MAF: variants seen among roughly 807,000 people sequenced by gnomAD.
The protein encoded by MAF is transcription factor Maf.
Under a neutral mutation model 22.0 loss-of-function variants are expected in MAF, and 10 were observed. That is an observed-to-expected ratio of 0.45 (90% CI 0.28 to 0.77). MAF has a LOEUF of 0.77. Ranked by LOEUF, MAF falls within the 30% of genes least tolerant of loss-of-function variation. MAF has a pLI of 0.12. For missense variants in MAF, 544 were observed against 548.4 expected, an observed-to-expected ratio of 0.99 and a Z score of 0.08; for synonymous variants, 337 against 255.8, an observed-to-expected ratio of 1.32 and a Z score of -3.03.
chr16:79,465,757 TC>T, the MAF span, among the ~76,000 whole-genome samples: 4 of 152,276 alleles, frequency 2.6e-5, no homozygotes, highest in Admixed American at 2.6e-4. Flanking sequence ...ACCTTCAATA[TC>T]CTCTCCAGCA....
the MAF span, among the ~76,000 whole-genome samples, chr16:79,383,305 C>T: frequency 1.3e-5 from 2 of 152,046 alleles, no homozygotes; most frequent in Admixed American, 1.3e-4. Flanking sequence ...CTTCATGTAT[C>T]CAGATAAATA....
chr16:79,509,014 G>A, the MAF span, among the ~76,000 whole-genome samples: 2 of 152,206 alleles, frequency 1.3e-5, no homozygotes, highest in African/African-American at 2.4e-5. Flanking sequence ...TATATGTTAA[G>A]TGAATTTCAC....
chr16:79,512,877 C>T, the MAF span, among the ~76,000 whole-genome samples: 13 of 152,290 alleles, frequency 8.5e-5, no homozygotes, highest in Middle Eastern at 3.4e-3. Flanking sequence ...CGAAGACATT[C>T]CACACGTGCT....
At chr16:79,532,752 C>T in the MAF span, among the ~76,000 whole-genome samples, 2 of 152,118 alleles carry the variant, frequency 1.3e-5, no homozygotes, top group Non-Finnish European at 2.9e-5. Context: ...TTGTGTAGTG[C>T]CAGGCCTAGA....
chr16:79,448,480 C>A, the MAF span, among the ~76,000 whole-genome samples: 344 of 151,312 alleles, frequency 2.3e-3, no homozygotes, highest in African/African-American at 8.0e-3. Flanking sequence ...GGCTGGAGTA[C>A]GGTGGTGCGA....
the MAF span, among the ~76,000 whole-genome samples, chr16:79,405,695 T>G: frequency 2.0e-5 from 3 of 152,298 alleles, 1 homozygote; most frequent in South Asian, 6.2e-4. Flanking sequence ...TGACCTTAAC[T>G]GTAGTAAAAA....
At chr16:79,543,805 G>C in the MAF span, among the ~76,000 whole-genome samples, 5 of 151,600 alleles carry the variant, frequency 3.3e-5, no homozygotes, top group Admixed American at 3.3e-4. Context: ...TCCTGCGTCA[G>C]CCTGCCCAGT....
At chr16:79,330,120 G>C in the MAF span, among the ~76,000 whole-genome samples, 2 of 152,108 alleles carry the variant, frequency 1.3e-5, no homozygotes, top group African/African-American at 4.8e-5. Context: ...TAAAAGTATG[G>C]GCTGCAAAGG....
At chr16:79,215,945 G>T in the MAF span, among the ~76,000 whole-genome samples, 2 of 152,146 alleles carry the variant, frequency 1.3e-5, no homozygotes, top group Non-Finnish European at 2.9e-5. Flanking sequence ...AACCCACTCA[G>T]TCAGACACTG....
At chr16:79,274,039 C>G in the MAF span, among the ~76,000 whole-genome samples, 1 of 149,414 alleles carries the variant, frequency 6.7e-6, no homozygotes, top group African/African-American at 2.5e-5. Flanking sequence ...ACTGCAACTT[C>G]CACCTCCCAG....
At position 79,597,512 on chromosome 16, in the gene MAF, T is replaced by C. The variant is rs891474139; in HGVS notation, c.1118+1273A>G. On this transcript the variant is annotated intron_variant, in intron 1 of 1. Coordinates refer to ENST00000326043, the MANE Select transcript of MAF (RefSeq NM_005360.5). The stretch of plus-strand genomic sequence containing the variant: ...AAAGAAAACATTAAGAGTTCTTCAA[T>C]GTTTGCCAGGTTAAATGTGTAACCC... The C allele has an allele frequency of 8.8e-6, 9 of 1,024,234 alleles. No homozygotes were observed. The African/African-American group carries it at 1.2e-4, about 14-fold the overall frequency. The allele number at this position is 1,024,234 out of a possible 1,614,324, so 63.4% of individuals were successfully genotyped here. A position where few individuals can be genotyped will look rare whatever the true frequency, so the allele number is the denominator to read the frequency against.
the MAF span, among the ~76,000 whole-genome samples, chr16:79,274,549 C>G: frequency 6.6e-6 from 1 of 152,142 alleles, no homozygotes; most frequent in African/African-American, 2.4e-5. Context: ...CCTCTAAGTA[C>G]AAAGTCTAGT....
At chr16:79,563,736 AACACAC>A in the MAF span, among the ~76,000 whole-genome samples, 178 of 144,284 alleles carry the variant, frequency 1.2e-3, 1 homozygote, top group African/African-American at 4.3e-3. Context: ...TTAGCTAGCA[AACACAC>A]ACACACACAC....
At chr16:79,214,477 C>G in the MAF span, among the ~76,000 whole-genome samples, 2 of 152,170 alleles carry the variant, frequency 1.3e-5, no homozygotes, top group Non-Finnish European at 2.9e-5. Context: ...ATGATCTCAG[C>G]TCACTGCAAC....
the MAF span, among the ~76,000 whole-genome samples, chr16:79,404,789 T>C: frequency 6.6e-6 from 1 of 152,272 alleles, no homozygotes; most frequent in Non-Finnish European, 1.5e-5. Context: ...CTCAGCTTCC[T>C]GGTTTTCAGC....
At chr16:79,582,578 A>G (rs1912586855), downstream of MAF, among the ~76,000 whole-genome samples, 1 of 152,216 alleles carries the variant, frequency 6.6e-6, no homozygotes, top group South Asian at 2.1e-4. Flanking sequence ...GCCCACAGAA[A>G]GAAAAACGTT....
chr16:79,450,182 T>C, the MAF span, among the ~76,000 whole-genome samples: 1 of 152,350 alleles, frequency 6.6e-6, no homozygotes, highest in South Asian at 2.1e-4. Flanking sequence ...GAGTAAAGTG[T>C]TGTTTAAAAC....
chr16:79,534,384 A>G, the MAF span, among the ~76,000 whole-genome samples: 5 of 152,304 alleles, frequency 3.3e-5, no homozygotes, highest in South Asian at 1.0e-3. Flanking sequence ...TCTGAATTTA[A>G]AAGACTTGAG....
At chr16:79,356,492 G>C in the MAF span, among the ~76,000 whole-genome samples, 1 of 151,974 alleles carries the variant, frequency 6.6e-6, no homozygotes, top group Non-Finnish European at 1.5e-5. Flanking sequence ...CCTTCCTCAC[G>C]TGCCTTCCAT....
Sources: allele counts gnomAD v4.1 joint callset (sites outside exome capture counted in the v4.1 genomes callset), GRCh38; gene constraint gnomAD v4.1.1; transcripts MANE v1.5; gene names NCBI Gene and HGNC (gene_info 2026-07-23, HGNC 2026-07-21).